Variants in INSL3 observed in about 807,000 individuals in gnomAD.
INSL3 encodes insulin-like 3.
INSL3 carries 6 observed loss-of-function variants against 5.5 expected under a neutral mutation model. That is an observed-to-expected ratio of 1.08 (90% confidence interval 0.59 to 2.14). INSL3 has a LOEUF of 2.14. Among genes scored for constraint, INSL3 ranks in the 30% most tolerant of loss-of-function variants. The pLI is 0.00. For synonymous variants in INSL3, 86 were observed against 82.1 expected (o/e 1.05, Z -0.26); for missense variants, 178 against 184.7 (o/e 0.96, Z 0.21).
rs58956953 is a variant in INSL3 at position 17,817,795 on chromosome 19, C to CAAAAAAAAAA, written c.191-746_191-737dup. On this transcript the variant is annotated intron_variant, in intron 1 of 1. Transcript: ENST00000317306. ...AGGTGACAAGAATGAAACTCCATCT[C>CAAAAAAAAAA]AAAAAAAAAAAAAAAAAAAAAAAGC... 5.7e-4 allele frequency among the ~76,000 whole-genome samples: 23 copies of CAAAAAAAAAA among 40,322 alleles called. 2 individuals are homozygous for CAAAAAAAAAA. The highest frequency in any genetic ancestry group is 7.7e-4 in the Admixed American group (2 of 2,584). The allele number at this position is 40,322 out of a possible 152,430, so 26.5% of individuals were successfully genotyped here. A position where few individuals can be genotyped will look rare whatever the true frequency, so the allele number is the denominator to read the frequency against.
chr19:17,816,779 C>T lies in INSL3; in HGVS notation c.*75G>A, dbSNP rs2059718025. ...CCTGTAGATGCGAGACTTTATGGTG[C>T]TGTGTGGCCTCAGGAGCTCACCAGA... On this transcript the variant is annotated 3_prime_UTR_variant, in exon 2 of 2. Coordinates refer to ENST00000317306, the MANE Select transcript of INSL3 (RefSeq NM_005543.4). 10 of 1,403,478 alleles carry T rather than the reference C, an allele frequency of 7.1e-6. No homozygotes were observed. The highest frequency in any genetic ancestry group is 1.2e-5 in the South Asian group (1 of 86,238). 86.9% of individuals were successfully genotyped at this position (1,403,478 alleles called of 1,614,324 possible).
At chr19:17,817,501 AAGTG>A (rs1389047788) in intron 1 of INSL3, among the ~76,000 whole-genome samples, 4 of 145,920 alleles carry the variant, frequency 2.7e-5, no homozygotes, top group African/African-American at 1.0e-4. Context: ...AAAAAAAAAA[AAGTG>A]AGCACTGGCC....
At chr19:17,819,167 G>C (rs1418361245) in intron 1 of INSL3, among the ~76,000 whole-genome samples, 1 of 148,074 alleles carries the variant, frequency 6.8e-6, no homozygotes, top group Non-Finnish European at 1.5e-5. Flanking sequence ...CTGGGAGGCA[G>C]AGGTTGCAAT....
rs1235385373 is a variant in INSL3 at position 17,816,740 on chromosome 19, G to A, written c.*114C>T. 6.1e-6 allele frequency: 6 copies of A among 978,960 alleles called. No individual in the cohort carries two copies. The highest frequency in any genetic ancestry group is 1.9e-5 in the Admixed American group (1 of 51,310). The allele number at this position is 978,960 out of a possible 1,614,324, so 60.6% of individuals were successfully genotyped here. ...GGTAGATAGTGAGCACCCATCCCAGGAGGTAATCAAAGGCCTGTAGATGCG... is the reference window on the plus strand; with the variant it reads ...GGTAGATAGTGAGCACCCATCCCAGAAGGTAATCAAAGGCCTGTAGATGCG... On this transcript the variant is annotated 3_prime_UTR_variant, in exon 2 of 2. Transcript: ENST00000317306.
chr19:17,819,487 C>T (rs1020067687), intron 1 of INSL3, among the ~76,000 whole-genome samples: 5 of 151,966 alleles, frequency 3.3e-5, no homozygotes, highest in African/African-American at 1.2e-4. Flanking sequence ...CAGCGGCTCA[C>T]GCTTGTAATC....
At chr19:17,819,080 G>A (rs1599856882) in intron 1 of INSL3, among the ~76,000 whole-genome samples, 1 of 151,250 alleles carries the variant, frequency 6.6e-6, no homozygotes, top group South Asian at 2.1e-4. Context: ...TCGCCACGTT[G>A]GCCAGGCTGG....
At chr19:17,818,771 G>A (rs2094191443) in intron 1 of INSL3, among the ~76,000 whole-genome samples, 1 of 152,006 alleles carries the variant, frequency 6.6e-6, no homozygotes, top group Non-Finnish European at 1.5e-5. Context: ...ACTTGGATGG[G>A]GTGTGAGGCT....
rs1315069690 is a variant in INSL3 at position 17,821,378 on chromosome 19, C to G, written c.129G>C (p.Val43=). The change falls in exon 1 of 2, where the codon GTG becomes GTC. Residue 43 remains valine, a synonymous_variant. Transcript: ENST00000317306. ...ACCAGCGGGGGCCCCCGCACACGCGCACTAGCGCGCGTACGAAGTGGTGGC... is the reference window on the plus strand; with the variant it reads ...ACCAGCGGGGGCCCCCGCACACGCGGACTAGCGCGCGTACGAAGTGGTGGC... ...LCGHHFVRAL[V]RVCGGPRWST... 2.6e-6 allele frequency: 4 copies of G among 1,548,560 alleles called. No homozygotes were observed. In the Admixed American group the frequency reaches 5.9e-5, roughly 23 times the overall value.
chr19:17,816,963 T>TGGGGCAGGGGCTGC lies in INSL3; in HGVS notation c.273_286dup (p.Gln96ArgfsTer36). On this transcript the variant is annotated frameshift_variant, in exon 2 of 2. Coordinates refer to ENST00000317306, the MANE Select transcript of INSL3 (RefSeq NM_005543.4). LOFTEE classifies it low-confidence loss of function (END_TRUNC). ...GTGGTGGCGGTGATGGTGAGAGGTC[T>TGGGGCAGGGGCTGC]GGGGCAGGGGCTGCAGGCCAGGTCC... 1 of 1,614,046 alleles carries TGGGGCAGGGGCTGC rather than the reference T, an allele frequency of 6.2e-7. No individual in the cohort carries two copies. The highest frequency in any genetic ancestry group is 1.1e-5 in the South Asian group (1 of 91,072).
chr19:17,819,746 G>T (rs945462717), intron 1 of INSL3, among the ~76,000 whole-genome samples: 1 of 152,170 alleles, frequency 6.6e-6, no homozygotes, highest in Admixed American at 6.6e-5. Flanking sequence ...GGAGGCTGAG[G>T]CAGGAGAATG....
At chr19:17,819,696 G>A (rs572115900) in intron 1 of INSL3, among the ~76,000 whole-genome samples, 1 of 152,234 alleles carries the variant, frequency 6.6e-6, no homozygotes, top group Admixed American at 6.5e-5. Flanking sequence ...AAAAAATTTA[G>A]CTGGGCTTGG....
intron 1 of INSL3, among the ~76,000 whole-genome samples, chr19:17,821,049 G>T (rs189292972): frequency 4.2e-4 from 64 of 152,216 alleles, no homozygotes; most frequent in African/African-American, 1.5e-3. Context: ...TCGAACTCCT[G>T]ACCTCTGGGG....
At chr19:17,817,713 T>G (rs944262387) in intron 1 of INSL3, among the ~76,000 whole-genome samples, 3 of 136,278 alleles carry the variant, frequency 2.2e-5, no homozygotes, top group African/African-American at 8.3e-5. Context: ...GAGAATCACT[T>G]GAACCCAGGA....
chr19:17,816,934 C>T lies in INSL3; in HGVS notation c.316G>A (p.Ala106Thr), dbSNP rs2094188559. The T allele has an allele frequency of 6.2e-7, 1 of 1,614,150 alleles. No individual in the cohort carries two copies. Among genetic ancestry groups the T allele is most frequent in the East Asian group, 2.2e-5 (1 of 44,878 alleles). The change falls in exon 2 of 2, where the codon GCA becomes ACA. Residue 106 changes from alanine (A) to threonine (T), a missense_variant. Ala to Thr is a moderately conservative substitution (Grantham distance 58). Coordinates refer to ENST00000317306, the MANE Select transcript of INSL3 (RefSeq NM_005543.4). ...TAGCGTGCAGGGTTGGTGGCAGCTG[C>T]ACGGTGGTGGCGGTGATGGTGAGAG... ...QTSHHHRHHR[A>T]AATNPARYCC...
rs970602531 is a variant in INSL3 at position 17,816,759 on chromosome 19, A to C, written c.*95T>G. 1 of 1,214,678 alleles carries C rather than the reference A, an allele frequency of 8.2e-7. No individual in the cohort carries two copies. The highest frequency in any genetic ancestry group is 2.4e-5 in the East Asian group (1 of 41,898). The allele number at this position is 1,214,678 out of a possible 1,614,324, so 75.2% of individuals were successfully genotyped here. A position where few individuals can be genotyped will look rare whatever the true frequency, so the allele number is the denominator to read the frequency against. ...TCCCAGGAGGTAATCAAAGGCCTGT[A>C]GATGCGAGACTTTATGGTGCTGTGT... On this transcript the variant is annotated 3_prime_UTR_variant, in exon 2 of 2. Coordinates refer to ENST00000317306, the MANE Select transcript of INSL3 (RefSeq NM_005543.4).
intron 1 of INSL3, among the ~76,000 whole-genome samples, chr19:17,818,312 A>G (rs1269830823): frequency 6.6e-6 from 1 of 151,980 alleles, no homozygotes; most frequent in Non-Finnish European, 1.5e-5. Flanking sequence ...GGAGGCACGA[A>G]GCCATCAGGA....
Position 17,817,060 on chromosome 19 carries a change from C to T in INSL3, c.191-1G>A. ...CTCTCCAGCCACTGTAGCAACTCAC[C>T]TGGGGACAGAGTGAAACTCAGCTGG... is the stretch of plus-strand genomic sequence containing the variant. On this transcript the variant is annotated splice_acceptor_variant, in intron 1 of 1. Transcript: ENST00000317306. LOFTEE classifies it high-confidence loss of function. The T allele has an allele frequency of 6.2e-7, 1 of 1,612,634 alleles. No homozygotes were observed. The highest frequency in any genetic ancestry group is 8.5e-7 in the Non-Finnish European group (1 of 1,179,736).
chr19:17,817,112 C>A, intron 1 of INSL3, 53 bp from the exon 2 acceptor site: 3 of 1,521,482 alleles, frequency 2.0e-6, no homozygotes, highest in Admixed American at 1.8e-5. Flanking sequence ...GACATGCTAC[C>A]CCATGCTGCA....
rs1281623066 is a variant in INSL3 at position 17,821,366 on chromosome 19, C to G, written c.141G>C (p.Gly47=). 6.5e-7 allele frequency: 1 copy of G among 1,548,716 alleles called. No homozygotes were observed. Among genetic ancestry groups the G allele is most frequent in the African/African-American group, 1.4e-5 (1 of 73,024 alleles). ...TGGCTTCGGTGGACCAGCGGGGGCC[C>G]CCGCACACGCGCACTAGCGCGCGTA... ...HFVRALVRVC[G]GPRWSTEARR... Residue 47 remains glycine, a synonymous_variant, in exon 1 of 2, where the codon GGG becomes GGC. Coordinates refer to ENST00000317306, the MANE Select transcript of INSL3 (RefSeq NM_005543.4).
Sources: allele counts gnomAD v4.1 joint callset (sites outside exome capture counted in the v4.1 genomes callset), GRCh38; gene constraint gnomAD v4.1.1; transcripts MANE v1.5; gene names NCBI Gene and HGNC (gene_info 2026-07-23, HGNC 2026-07-21).